Variants in DDX21 observed in about 807,000 individuals in gnomAD.
The protein encoded by DDX21 is nucleolar RNA helicase 2.
In DDX21, 18 loss-of-function variants were observed where a neutral mutation model predicts 90.0. The ratio of observed to expected loss-of-function variants is 0.20; its 90% CI spans 0.14 to 0.30. The LOEUF (loss-of-function observed/expected upper bound fraction) is 0.30. Ranked by LOEUF, DDX21 falls within the 10% of genes least tolerant of loss-of-function variation. The probability of loss-of-function intolerance (pLI) is 1.00; values close to 1 mark genes in which losing one functional copy is unlikely to be tolerated. For missense variants in DDX21, 673 were observed against 944.5 expected (o/e 0.71, Z 3.77); for synonymous variants, 294 against 318.0 (o/e 0.92, Z 0.80).
chr10:68,971,896 T>C lies in DDX21; in HGVS notation c.1392T>C (p.Ala464=). Residue 464 remains alanine, a synonymous_variant, in exon 9 of 15, where the codon GCT becomes GCC. Coordinates refer to ENST00000354185, the MANE Select transcript of DDX21 (RefSeq NM_004728.4). The part of the protein sequence containing the change: ...LSQNSAIKQD[A]QSLHGDIPQK... ...ATCCGTTTATTTATTGGCAGGATGCTCAGTCCTTGCATGGAGACATTCCAC... is the reference window on the plus strand; with the variant it reads ...ATCCGTTTATTTATTGGCAGGATGCCCAGTCCTTGCATGGAGACATTCCAC... The C allele has an allele frequency of 6.2e-7, 1 of 1,613,438 alleles. No homozygotes were observed. Among genetic ancestry groups the C allele is most frequent in the Non-Finnish European group, 8.5e-7 (1 of 1,179,590 alleles).
chr10:68,969,089 A>G lies in DDX21; in HGVS notation c.1204A>G (p.Lys402Glu). Residue 402 changes from lysine to glutamate, a missense_variant, in exon 7 of 15, where the codon AAA (lysine) becomes GAA (glutamate). Around this residue, in one of 4 missense-constraint regions of DDX21, gnomAD observed 218 missense variants for 347.3 expected, o/e 0.63. Transcript: ENST00000354185. ...STYEQVDLIG[K>E]KTQKTAITVE... Reference sequence around the variant, plus strand: ...ATATGAACAGGTGGACCTGATTGGTAAAAAGACTCAGAAAACGGCAATAAC... The same window carrying G: ...ATATGAACAGGTGGACCTGATTGGTGAAAAGACTCAGAAAACGGCAATAAC... The G allele has an allele frequency of 6.2e-7, 1 of 1,612,886 alleles. No individual in the cohort carries two copies.
intron 2 of DDX21, among the ~76,000 whole-genome samples, chr10:68,960,451 C>T (rs916045696): frequency 2.0e-5 from 3 of 151,344 alleles, no homozygotes; most frequent in Admixed American, 2.0e-4. Context: ...GCTAAGAGTA[C>T]TCTGTCTTTT....
At chr10:68,977,974 G>T (rs1351822498) in intron 12 of DDX21, among the ~76,000 whole-genome samples, 1 of 151,974 alleles carries the variant, frequency 6.6e-6, no homozygotes, top group East Asian at 1.9e-4. Flanking sequence ...AAATTAGCTG[G>T]GCGTGGTGAC....
At chr10:68,977,200 G>A (rs1209488599) in intron 11 of DDX21, among the ~76,000 whole-genome samples, 1 of 151,988 alleles carries the variant, frequency 6.6e-6, no homozygotes, top group African/African-American at 2.4e-5. Flanking sequence ...ATTTTATTAT[G>A]TCTGTTTTGT....
chr10:68,962,177 C>T lies in DDX21; in HGVS notation c.607+20C>T, dbSNP rs779167879. The T allele has an allele frequency of 8.5e-6, 13 of 1,538,226 alleles. No individual in the cohort carries two copies. Among genetic ancestry groups the T allele is most frequent in the Middle Eastern group, 1.7e-4 (1 of 5,812 alleles). ...TCAAAGGTAATGTTCTTGGAAATATCGTATGATGTTAGAACGTATTATTTT... is the reference window on the plus strand; with the variant it reads ...TCAAAGGTAATGTTCTTGGAAATATTGTATGATGTTAGAACGTATTATTTT... On this transcript the variant is annotated intron_variant, in intron 3 of 14. Transcript: ENST00000354185.
chr10:68,978,693 C>A, intron 12 of DDX21, 149 bp from the exon 13 acceptor site: 2 of 1,006,108 alleles, frequency 2.0e-6, no homozygotes, highest in Admixed American at 3.0e-5. Context: ...CCAAGTAAAA[C>A]GAGGGACTGT....
At chr10:68,979,146 T>C (rs1395995972) in intron 13 of DDX21, among the ~76,000 whole-genome samples, 170 bp downstream of exon 13, 1 of 152,226 alleles carries the variant, frequency 6.6e-6, no homozygotes, top group African/African-American at 2.4e-5. Flanking sequence ...TGACAACTAC[T>C]GTACCTCTAT....
Position 68,960,226 on chromosome 10 carries a change from G to C in DDX21, c.508G>C (p.Glu170Gln). The part of the protein sequence containing the change: ...DCNPSEAASE[E>Q]SNSEIEQEIP... ...TAACCCCAGTGAAGCTGCCAGTGAA[G>C]AAAGTAACAGTGAGATAGAGCAGGT... Residue 170 changes from glutamate (E) to glutamine (Q), a missense_variant, in exon 2 of 15, where the codon GAA (glutamate) becomes CAA (glutamine). Glu to Gln is a conservative substitution (Grantham distance 29). This residue lies in a region of DDX21 where 204 missense variants were observed against 221.6 expected (regional missense o/e 0.92). Transcript: ENST00000354185. The C allele has an allele frequency of 1.2e-6, 2 of 1,606,214 alleles. No homozygotes were observed. Among genetic ancestry groups the C allele is most frequent in the Non-Finnish European group, 1.7e-6 (2 of 1,178,094 alleles).
chr10:68,980,236 G>A lies in DDX21; in HGVS notation c.2037+1260G>A, dbSNP rs147234761. Among the ~76,000 whole-genome samples the A allele has an allele frequency of 4.3e-3, 652 of 151,028 alleles. 3 individuals are homozygous for A. Among genetic ancestry groups the A allele is most frequent in the Non-Finnish European group, 7.7e-3 (522 of 67,566 alleles). On this transcript the variant is annotated intron_variant, in intron 13 of 14. Coordinates refer to ENST00000354185, the MANE Select transcript of DDX21 (RefSeq NM_004728.4). ...GCTTGGGCAACAAGAGTGAAACTCC[G>A]TCTTAAAAAAAAAATTTTATATATA...
intron 11 of DDX21, 45 bp downstream of exon 11, chr10:68,974,788 A>G (rs1843072175): frequency 1.3e-6 from 2 of 1,531,462 alleles, no homozygotes; most frequent in African/African-American, 1.4e-5. Flanking sequence ...TGTTGGTTCA[A>G]ATACTGCATG....
At chr10:68,974,426 T>A (rs1843067104) in intron 10 of DDX21, among the ~76,000 whole-genome samples, 1 of 152,250 alleles carries the variant, frequency 6.6e-6, no homozygotes, top group Admixed American at 6.5e-5. Flanking sequence ...GTTTGATTAA[T>A]AGTTTAGCCA....
At chr10:68,981,496 G>A (rs371971144) in intron 13 of DDX21, 41 bp from the exon 14 acceptor site, 153 of 1,578,720 alleles carry the variant, frequency 9.7e-5, no homozygotes, top group Non-Finnish European at 1.2e-4. Flanking sequence ...TATTTTTCAT[G>A]TGCGTTGGTT....
intron 4 of DDX21, chr10:68,963,967 G>GTA: frequency 5.0e-6 from 1 of 201,668 alleles, no homozygotes; most frequent in Non-Finnish European, 1.0e-5. Flanking sequence ...GGGCGTGGTG[G>GTA]CGGGCGCGTG....
chr10:68,973,591 G>A lies in DDX21; in HGVS notation c.1595G>A (p.Gly532Glu). Residue 532 changes from glycine (G) to glutamate (E), a missense_variant, in exon 10 of 15, where the codon GGA becomes GAA. Physicochemically the swap from Gly to Glu is moderately conservative, Grantham distance 98 (BLOSUM62 -2). Transcript: ENST00000354185. Reference sequence around the variant, plus strand: ...CGATCCGGGCGGACAGGCAGAGCTGGAAGGACGGGGGTGTGCATCTGCTTT... The same window carrying A: ...CGATCCGGGCGGACAGGCAGAGCTGAAAGGACGGGGGTGTGCATCTGCTTT... ...IHRSGRTGRA[G>E]RTGVCICFYQ... The A allele has an allele frequency of 6.2e-7, 1 of 1,614,122 alleles. No homozygotes were observed. Among genetic ancestry groups the A allele is most frequent in the South Asian group, 1.1e-5 (1 of 91,076 alleles).
At chr10:68,961,023 C>A (rs868095855) in intron 2 of DDX21, among the ~76,000 whole-genome samples, 1 of 152,130 alleles carries the variant, frequency 6.6e-6, no homozygotes, top group Non-Finnish European at 1.5e-5. Context: ...TGGAGTTGAA[C>A]AGGATGATAA....
chr10:68,956,372 G>A, intron 1 of DDX21, 60 bp downstream of exon 1: 3 of 1,606,370 alleles, frequency 1.9e-6, no homozygotes, highest in South Asian at 1.1e-5. Context: ...CCCGGGGTGC[G>A]GGAGAAGTGC....
rs898810172 is a variant in DDX21 at position 68,978,087 on chromosome 10, T to C, written c.1902+399T>C. Reference sequence around the variant, plus strand: ...GAGATCCATGATGGTGCCACTGCACTCCAGCCTGGGTGACAGAGTGAGACT... The same window carrying C: ...GAGATCCATGATGGTGCCACTGCACCCCAGCCTGGGTGACAGAGTGAGACT... On this transcript the variant is annotated intron_variant, in intron 12 of 14. Coordinates refer to ENST00000354185, the MANE Select transcript of DDX21 (RefSeq NM_004728.4). 3.3e-5 allele frequency among the ~76,000 whole-genome samples: 5 copies of C among 152,100 alleles called. No individual in the cohort carries two copies. In the East Asian group the frequency reaches 5.8e-4, roughly 18 times the overall value.
intron 1 of DDX21, 73 bp from the exon 2 acceptor site, chr10:68,959,733 C>A: frequency 7.2e-6 from 8 of 1,111,766 alleles, no homozygotes; most frequent in South Asian, 4.3e-5. Context: ...TGAAATAATC[C>A]AGAATTGATG....
chr10:68,977,958 A>T (rs892312390), intron 12 of DDX21, among the ~76,000 whole-genome samples: 2 of 152,106 alleles, frequency 1.3e-5, no homozygotes, highest in African/African-American at 2.4e-5. Context: ...AAAATAAAAA[A>T]AAAAAAAATT....
Sources: allele counts gnomAD v4.1 joint callset (sites outside exome capture counted in the v4.1 genomes callset), GRCh38; gene constraint gnomAD v4.1.1; regional missense constraint gnomAD v4.1.1; transcripts MANE v1.5; gene names NCBI Gene and HGNC (gene_info 2026-07-23, HGNC 2026-07-21).